MTM1: variants seen among roughly 807,000 people sequenced by gnomAD.
MTM1 encodes myotubularin.
In MTM1, 9 loss-of-function variants were observed where a neutral mutation model predicts 52.1. That is an observed-to-expected ratio of 0.17 (90% CI 0.10 to 0.30). MTM1 has a LOEUF of 0.30. Ranked by LOEUF, MTM1 falls within the 10% of genes least tolerant of loss-of-function variation. The pLI, the probability that MTM1 is intolerant of heterozygous loss-of-function variation, is 1.00. For synonymous variants in MTM1, 136 were observed against 163.8 expected (o/e 0.83, Z 1.29); for missense variants, 277 against 470.7 (o/e 0.59, Z 3.81).
At chrX:150,617,634 A>G (rs1231683047) in intron 5 of MTM1, among the ~76,000 whole-genome samples, 1 of 111,997 alleles carries the variant, frequency 8.9e-6, no homozygotes, top group East Asian at 2.8e-4. Flanking sequence ...TTCATACTTC[A>G]TTTGCTGCTA....
chrX:150,622,591 A>G (rs940747801), intron 6 of MTM1, among the ~76,000 whole-genome samples: 5 of 112,074 alleles, frequency 4.5e-5, no homozygotes, highest in African/African-American at 1.6e-4. Flanking sequence ...GTGCAAGAGA[A>G]ACGCAAAGGA....
At chrX:150,580,638 A>G (rs1172129681) in intron 1 of MTM1, among the ~76,000 whole-genome samples, 2 of 110,935 alleles carry the variant, frequency 1.8e-5, no homozygotes, top group African/African-American at 6.6e-5. Context: ...TTCTTCTGTA[A>G]CAAGGATACG....
chrX:150,590,650 A>G (rs2038867724), intron 1 of MTM1, among the ~76,000 whole-genome samples: 2 of 111,888 alleles, frequency 1.8e-5, no homozygotes, highest in Non-Finnish European at 3.8e-5. Flanking sequence ...CGTCCTTTAT[A>G]TTCATTTTAA....
chrX:150,644,056 C>A (rs1205227523), intron 8 of MTM1, among the ~76,000 whole-genome samples: 1 of 110,553 alleles, frequency 9.0e-6, no homozygotes, highest in Admixed American at 9.6e-5. Context: ...GAGGCCATTG[C>A]CTATGGCCCG....
At chrX:150,581,411 T>C (rs782039975) in intron 1 of MTM1, among the ~76,000 whole-genome samples, 2 of 111,818 alleles carry the variant, frequency 1.8e-5, no homozygotes, top group East Asian at 5.6e-4. Context: ...GGGTGTTTTG[T>C]GCACTAGTAA....
chrX:150,607,932 G>A (rs1640078503), intron 4 of MTM1, among the ~76,000 whole-genome samples: 2 of 111,516 alleles, frequency 1.8e-5, no homozygotes, highest in Admixed American at 1.9e-4. Context: ...GTAGTACAGG[G>A]GCACAACAGT....
At chrX:150,652,575 A>G (rs1445556175) in intron 10 of MTM1, among the ~76,000 whole-genome samples, 2 of 101,456 alleles carry the variant, frequency 2.0e-5, no homozygotes, top group Non-Finnish European at 4.0e-5. Flanking sequence ...GAAAGAACCT[A>G]AATGTACAAG....
At chrX:150,565,168 AT>A (rs1357917552), upstream of MTM1, among the ~76,000 whole-genome samples, 2 of 111,950 alleles carry the variant, frequency 1.8e-5, no homozygotes, top group African/African-American at 6.5e-5. Context: ...CAACTTGGGA[AT>A]TCTGCTGCCT....
intron 4 of MTM1, among the ~76,000 whole-genome samples, chrX:150,607,270 G>A (rs186420114): frequency 4.1e-4 from 45 of 110,919 alleles, no homozygotes; most frequent in African/African-American, 1.3e-3. Flanking sequence ...TTACAGGCGC[G>A]AGCCACTGCA....
intron 1 of MTM1, among the ~76,000 whole-genome samples, chrX:150,584,640 G>A (rs982869529): frequency 9.0e-6 from 1 of 110,971 alleles, no homozygotes; most frequent in Admixed American, 9.6e-5. Flanking sequence ...TCTAAGAGAC[G>A]GGACACAAAA....
At chrX:150,584,342 T>C (rs1478495878) in intron 1 of MTM1, among the ~76,000 whole-genome samples, 3 of 110,677 alleles carry the variant, frequency 2.7e-5, no homozygotes, top group African/African-American at 9.9e-5. Flanking sequence ...GAATATATAA[T>C]GATTCCATTT....
In MTM1 at chrX:150,671,817, AC is replaced by A. The variant is rs781828317; in HGVS notation, c.*225del. ...AGGAGCTGAGATGAGGTTTTGGAAA[AC>A]CCTGACACCTTTAAAAAGCAGTTTT... On this transcript the variant is annotated 3_prime_UTR_variant, in exon 15 of 15. Transcript: ENST00000370396. 1.6e-5 allele frequency: 7 copies of A among 433,069 alleles called. No homozygotes were observed. Among genetic ancestry groups the A allele is most frequent in the African/African-American group, 5.0e-5 (2 of 40,078 alleles). The allele number at this position is 433,069 out of a possible 1,213,427, so 35.7% of individuals were successfully genotyped here.
intron 4 of MTM1, 40 bp from the exon 5 acceptor site, chrX:150,614,549 C>A: frequency 1.3e-6 from 1 of 783,938 alleles, no homozygotes; most frequent in Non-Finnish European, 2.0e-6. Context: ...TTTAATTATA[C>A]TGACAGAAAT....
chrX:150,653,188 ACAT>A (rs2148502669), intron 10 of MTM1, among the ~76,000 whole-genome samples: 1 of 111,793 alleles, frequency 8.9e-6, no homozygotes, highest in African/African-American at 3.3e-5. Context: ...GGCATCAGTC[ACAT>A]CATAGCAATT....
intron 1 of MTM1, among the ~76,000 whole-genome samples, chrX:150,584,985 G>A (rs2038757825): frequency 9.1e-6 from 1 of 110,031 alleles, no homozygotes; most frequent in Non-Finnish European, 1.9e-5. Context: ...ATCCGCAGTT[G>A]GTTGAATCCC....
At chrX:150,638,526 T>G (rs1467113522) in intron 6 of MTM1, among the ~76,000 whole-genome samples, 2 of 111,879 alleles carry the variant, frequency 1.8e-5, no homozygotes, top group Non-Finnish European at 3.8e-5. Context: ...AAACATGTCA[T>G]TGTTCCCTTT....
At chrX:150,671,381 T>C in intron 14 of MTM1, 47 bp from the exon 15 acceptor site, 1 of 1,199,258 alleles carries the variant, frequency 8.3e-7, no homozygotes, top group Non-Finnish European at 1.1e-6. Context: ...TGAGTTCTCA[T>C]GACGTGCGTG....
chrX:150,596,405 A>G (rs2038975353), intron 2 of MTM1, 93 bp from the exon 3 acceptor site: 1 of 730,902 alleles, frequency 1.4e-6, no homozygotes, highest in African/African-American at 2.1e-5. Context: ...TTTTCTTTAA[A>G]AAACATATTT....
chrX:150,613,071 G>A (rs1324083406), intron 4 of MTM1, among the ~76,000 whole-genome samples: 1 of 107,246 alleles, frequency 9.3e-6, no homozygotes, highest in Non-Finnish European at 1.9e-5. Flanking sequence ...CCTTGAGCCT[G>A]GGACGTCAAG....
Sources: gnomAD v4.1 joint callset for allele counts (sites outside exome capture counted in the v4.1 genomes callset) on GRCh38, gnomAD v4.1.1 for gene constraint, MANE v1.5 for transcripts, NCBI Gene and HGNC (gene_info 2026-07-23, HGNC 2026-07-21) for gene names.